Variants in GABRG3 observed in about 807,000 individuals in gnomAD.
GABRG3 encodes the protein gamma-aminobutyric acid type A receptor subunit gamma3.
In GABRG3, 25 loss-of-function variants were observed where a neutral mutation model predicts 48.8. That is an observed-to-expected ratio of 0.51 (90% confidence interval 0.37 to 0.72). GABRG3 has a LOEUF of 0.72. Ranked by LOEUF, GABRG3 falls within the 30% of genes least tolerant of loss-of-function variation. The pLI is 0.00. For missense variants in GABRG3, 394 were observed against 577.9 expected (o/e 0.68, Z 3.26); for synonymous variants, 227 against 217.6 (o/e 1.04, Z -0.38).
intron 9 of GABRG3, among the ~76,000 whole-genome samples, chr15:27,528,830 T>C (rs1291074898): frequency 1.3e-5 from 2 of 152,058 alleles, no homozygotes; most frequent in Non-Finnish European, 2.9e-5. Context: ...TTACATATTA[T>C]ATAAATTGTA....
intron 3 of GABRG3, among the ~76,000 whole-genome samples, chr15:27,146,682 A>G (rs545152946): frequency 3.3e-5 from 5 of 152,244 alleles, no homozygotes; most frequent in African/African-American, 1.2e-4. Context: ...TATAAGTGCA[A>G]AATTTTTGAA....
At chr15:27,475,629 G>T (rs560586099) in intron 5 of GABRG3, among the ~76,000 whole-genome samples, 2 of 151,894 alleles carry the variant, frequency 1.3e-5, no homozygotes, top group South Asian at 4.2e-4. Context: ...GATGATGATG[G>T]TAATGATTGT....
chr15:27,349,542 T>C (rs965071582), intron 5 of GABRG3, among the ~76,000 whole-genome samples: 5 of 152,208 alleles, frequency 3.3e-5, no homozygotes, highest in African/African-American at 1.2e-4. Flanking sequence ...TGTCCTTGGC[T>C]TCCACTCTCA....
At chr15:27,049,131 A>G (rs1043851518) in intron 3 of GABRG3, among the ~76,000 whole-genome samples, 1 of 152,232 alleles carries the variant, frequency 6.6e-6, no homozygotes, top group Non-Finnish European at 1.5e-5. Flanking sequence ...TCTCCTGCAC[A>G]TGCAGGGTTG....
chr15:27,308,416 A>C (rs1366419740), intron 3 of GABRG3, among the ~76,000 whole-genome samples: 1 of 146,416 alleles, frequency 6.8e-6, no homozygotes, highest in African/African-American at 2.5e-5. Flanking sequence ...ATATATAAAC[A>C]TGTAATGTAA....
At position 27,379,155 on chromosome 15, in the gene GABRG3, G is replaced by A. The variant is rs1486236614; in HGVS notation, c.574+50267G>A. On this transcript the variant is annotated intron_variant, in intron 5 of 9. Transcript: ENST00000615808. Reference sequence around the variant, plus strand: ...TCTTTGTTTCTACCTTTTCTTTTCTGCCTTTTCTGGTTTTGAGAATTTTAT... The same window carrying A: ...TCTTTGTTTCTACCTTTTCTTTTCTACCTTTTCTGGTTTTGAGAATTTTAT... Among the ~76,000 whole-genome samples, 9 of 152,044 alleles carry A rather than the reference G, an allele frequency of 5.9e-5. No individual in the cohort carries two copies. In the East Asian group the frequency reaches 1.5e-3, roughly 26 times the overall value.
intron 3 of GABRG3, among the ~76,000 whole-genome samples, chr15:27,067,258 G>C (rs1409434807): frequency 1.3e-5 from 2 of 152,188 alleles, no homozygotes; most frequent in African/African-American, 2.4e-5. Flanking sequence ...CAGGGCTTCA[G>C]CTCTCTGCCT....
intron 2 of GABRG3, among the ~76,000 whole-genome samples, chr15:27,019,108 A>G (rs1287061865): frequency 3.7e-5 from 4 of 107,002 alleles, no homozygotes; most frequent in East Asian, 3.3e-4. Flanking sequence ...TTGCTCTGTC[A>G]CCCCGGCTGG....
chr15:27,202,113 T>C (rs1323234464), intron 3 of GABRG3, among the ~76,000 whole-genome samples: 3 of 152,234 alleles, frequency 2.0e-5, no homozygotes, highest in African/African-American at 7.2e-5. Flanking sequence ...ACTTTTTGTC[T>C]TCTCCAAGAG....
chr15:27,135,789 C>T (rs1263103725), intron 3 of GABRG3, among the ~76,000 whole-genome samples: 1 of 152,084 alleles, frequency 6.6e-6, no homozygotes, highest in Non-Finnish European at 1.5e-5. Flanking sequence ...CCTATAATCC[C>T]AGCTACTCAG....
intron 3 of GABRG3, among the ~76,000 whole-genome samples, chr15:27,067,310 G>A (rs764688833): frequency 1.2e-4 from 19 of 152,152 alleles, no homozygotes; most frequent in Admixed American, 8.5e-4. Context: ...CGCAGCTGGC[G>A]GGGCAGGGCT....
intron 5 of GABRG3, among the ~76,000 whole-genome samples, chr15:27,477,355 G>A (rs569805863): frequency 1.3e-5 from 2 of 152,246 alleles, no homozygotes; most frequent in African/African-American, 4.8e-5. Context: ...CCAACCTTAA[G>A]ACAGTCTAGA....
At chr15:27,506,434 A>G (rs1356329773) in intron 6 of GABRG3, among the ~76,000 whole-genome samples, 1 of 152,186 alleles carries the variant, frequency 6.6e-6, no homozygotes, top group African/African-American at 2.4e-5. Flanking sequence ...GAACGCTGCC[A>G]TATGGAAAGG....
In GABRG3 at chr15:26,971,359, C is replaced by T. The variant is rs544530185; in HGVS notation, c.-177C>T. The T allele has an allele frequency of 5.2e-6, 2 of 382,222 alleles. No individual in the cohort carries two copies. Among genetic ancestry groups the T allele is most frequent in the East Asian group, 8.2e-5 (2 of 24,432 alleles). The allele number at this position is 382,222 out of a possible 1,614,324, so 23.7% of individuals were successfully genotyped here. On this transcript the variant is annotated 5_prime_UTR_variant, in exon 1 of 10. Coordinates refer to ENST00000615808, the MANE Select transcript of GABRG3 (RefSeq NM_033223.5). ...CGGTGGCCCGGCGTCCCGTGTGCGT[C>T]CAGTGTGCGCCCCGCGGGGGCGCGG...
In GABRG3 at chr15:27,218,307, G is replaced by A. The variant is rs556628658; in HGVS notation, c.271-108502G>A. Among the ~76,000 whole-genome samples the A allele has an allele frequency of 1.1e-4, 16 of 152,262 alleles. No individual in the cohort carries two copies. In the South Asian group the frequency reaches 2.3e-3, roughly 22 times the overall value. On this transcript the variant is annotated intron_variant, in intron 3 of 9. Transcript: ENST00000615808. ...AAAAGCACCCAGCCCTGTTGTCAAC[G>A]TTCTGTCTTATTCGTGGCAGGAAAC...
At chr15:26,981,138 T>C (rs2140638322) in intron 2 of GABRG3, among the ~76,000 whole-genome samples, 1 of 152,292 alleles carries the variant, frequency 6.6e-6, no homozygotes, top group African/African-American at 2.4e-5. Flanking sequence ...AAGGACATGA[T>C]TTTTCAACTG....
chr15:27,316,430 T>C (rs1467707965), intron 3 of GABRG3, among the ~76,000 whole-genome samples: 1 of 151,406 alleles, frequency 6.6e-6, no homozygotes, highest in Non-Finnish European at 1.5e-5. Context: ...TTAAACTGTC[T>C]TCAAGTTGAA....
intron 5 of GABRG3, among the ~76,000 whole-genome samples, chr15:27,356,651 C>G (rs893006465): frequency 5.9e-5 from 9 of 152,298 alleles, no homozygotes; most frequent in African/African-American, 9.6e-5. Context: ...TAAGGAAAAA[C>G]AGGTGCTCCT....
intron 3 of GABRG3, among the ~76,000 whole-genome samples, chr15:27,272,752 T>C (rs1891130892): frequency 6.6e-6 from 1 of 152,210 alleles, no homozygotes; most frequent in African/African-American, 2.4e-5. Context: ...TTTTATTTTT[T>C]TCCTTCAAGA....
Sources: gnomAD v4.1 joint callset for allele counts (sites outside exome capture counted in the v4.1 genomes callset) on GRCh38, gnomAD v4.1.1 for gene constraint, MANE v1.5 for transcripts, NCBI Gene and HGNC (gene_info 2026-07-23, HGNC 2026-07-21) for gene names.